The following MGAT4C variants were observed in gnomAD, a reference collection of about 807,000 sequenced individuals.
MGAT4C encodes the protein MGAT4 family member C.
Under a neutral mutation model 40.1 loss-of-function variants are expected in MGAT4C, and 19 were observed. That is an observed-to-expected ratio of 0.47 (90% CI 0.33 to 0.70). MGAT4C has a LOEUF of 0.70. MGAT4C is among the 30% of genes least tolerant of loss of function. MGAT4C has a pLI of 0.02. For synonymous variants in MGAT4C, 181 were observed against 187.1 expected, an observed-to-expected ratio of 0.97 and a Z score of 0.27; for missense variants, 491 against 563.2, an observed-to-expected ratio of 0.87 and a Z score of 1.30.
chr12:86,410,541 CT>C (rs1329460733), intron 3 of MGAT4C, among the ~76,000 whole-genome samples: 2 of 152,142 alleles, frequency 1.3e-5, no homozygotes, highest in Non-Finnish European at 2.9e-5. Flanking sequence ...CCTAAAATCG[CT>C]GTTATTCTGT....
rs187026495 is a variant in MGAT4C at position 86,508,164 on chromosome 12, C to T, written c.-228-72899G>A. On this transcript the variant is annotated intron_variant, in intron 2 of 7. Coordinates refer to the MGAT4C transcript ENST00000548651. ...TGCTGGTGCGCTGCACCCACTAACT[C>T]GTCATCTAGCATTAGGTATATCTCC... Among the ~76,000 whole-genome samples the T allele has an allele frequency of 5.8e-3, 886 of 152,184 alleles. 5 individuals are homozygous for T. The highest frequency in any genetic ancestry group is 0.01 in the Middle Eastern group (3 of 294).
At chr12:86,249,057 T>C (rs1952159485) in intron 1 of MGAT4C, among the ~76,000 whole-genome samples, 2 of 152,112 alleles carry the variant, frequency 1.3e-5, no homozygotes, top group Non-Finnish European at 2.9e-5. Context: ...ATAATGTTGT[T>C]CAGATAATTT....
At chr12:86,818,229 A>G (rs371222886) in intron 1 of MGAT4C, among the ~76,000 whole-genome samples, 8 of 151,328 alleles carry the variant, frequency 5.3e-5, no homozygotes, top group East Asian at 3.9e-4. Context: ...TCCAAGACCA[A>G]TAACAGAATA....
chr12:86,452,041 A>G (rs1231502613), intron 2 of MGAT4C, among the ~76,000 whole-genome samples: 2 of 151,990 alleles, frequency 1.3e-5, no homozygotes, highest in East Asian at 3.9e-4. Context: ...AGAATCAATT[A>G]TTTTTATTTA....
chr12:86,179,988 G>A (rs184744154), intron 1 of MGAT4C, among the ~76,000 whole-genome samples: 43 of 152,272 alleles, frequency 2.8e-4, no homozygotes, highest in African/African-American at 8.7e-4. Context: ...CATGGCAGCC[G>A]CTCCCATCAC....
At chr12:86,549,797 T>C (rs1959256366) in intron 2 of MGAT4C, among the ~76,000 whole-genome samples, 1 of 151,874 alleles carries the variant, frequency 6.6e-6, no homozygotes, top group African/African-American at 2.4e-5. Context: ...GCACCTATGG[T>C]GATTGGAAGC....
At chr12:86,567,531 T>C (rs1239804360) in intron 2 of MGAT4C, among the ~76,000 whole-genome samples, 1 of 152,128 alleles carries the variant, frequency 6.6e-6, no homozygotes, top group Non-Finnish European at 1.5e-5. Flanking sequence ...CCTTAGGGCA[T>C]CTCTTAGAAT....
intron 3 of MGAT4C, among the ~76,000 whole-genome samples, chr12:86,342,661 G>A (rs544542732): frequency 2.9e-4 from 44 of 152,116 alleles, no homozygotes; most frequent in African/African-American, 1.0e-3. Flanking sequence ...GGATGATCTC[G>A]ATCTCCTGAT....
Position 86,711,090 on chromosome 12 carries a change from A to G in MGAT4C, c.-229+16119T>C, listed in dbSNP as rs561924907. 4.1e-4 allele frequency among the ~76,000 whole-genome samples: 63 copies of G among 152,290 alleles called. 2 individuals carry two copies. In the South Asian group the frequency reaches 0.013, roughly 31 times the overall value. ...AGACTACATATAGAGTACAGTGTAC[A>G]CTGGTCGGGTGACAGGTACACCAAA... On this transcript the variant is annotated intron_variant, in intron 2 of 7. Coordinates refer to the MGAT4C transcript ENST00000548651.
intron 1 of MGAT4C, among the ~76,000 whole-genome samples, chr12:86,155,450 G>A (rs1328759461): frequency 5.3e-5 from 8 of 152,224 alleles, no homozygotes; most frequent in Non-Finnish European, 7.4e-5. Context: ...AGATACATTC[G>A]TAATGTGGTT....
chr12:86,412,500 A>G (rs61949517), intron 3 of MGAT4C, among the ~76,000 whole-genome samples: 15,916 of 152,274 alleles, frequency 0.1, 1,035 homozygotes, highest in Middle Eastern at 0.25. Flanking sequence ...TTGGATTTGC[A>G]CAGGGCCTGT....
intron 1 of MGAT4C, among the ~76,000 whole-genome samples, chr12:86,214,473 C>T (rs1378230169): frequency 2.0e-5 from 3 of 152,144 alleles, no homozygotes; most frequent in Non-Finnish European, 4.4e-5. Context: ...GCTACTATAA[C>T]AAAATGCCAT....
In MGAT4C at chr12:86,772,431, T is replaced by C. The variant is rs183168012; in HGVS notation, c.-261-45190A>G. The stretch of plus-strand genomic sequence containing the variant: ...GCTGTGAATGTGCATTATCCCTTAA[T>C]AAAAAGATTGAATGACCTTGCAGGC... On this transcript the variant is annotated intron_variant, in intron 1 of 7. Coordinates refer to the MGAT4C transcript ENST00000548651. 6.6e-4 allele frequency among the ~76,000 whole-genome samples: 101 copies of C among 152,310 alleles called. 1 individual carries two copies. The highest frequency in any genetic ancestry group is 7.8e-4 in the Admixed American group (12 of 15,296).
chr12:86,222,571 A>G (rs1268401180), intron 1 of MGAT4C, among the ~76,000 whole-genome samples: 4 of 152,214 alleles, frequency 2.6e-5, no homozygotes, highest in African/African-American at 9.6e-5. Flanking sequence ...TTAATTATGG[A>G]ACACCATAAA....
intron 1 of MGAT4C, among the ~76,000 whole-genome samples, chr12:86,179,171 G>A (rs1566098202): frequency 6.6e-6 from 1 of 152,120 alleles, no homozygotes; most frequent in Non-Finnish European, 1.5e-5. Flanking sequence ...CATGAGATCT[G>A]ATGGGTTTAT....
chr12:86,642,744 C>A (rs1269717486), intron 2 of MGAT4C, among the ~76,000 whole-genome samples: 2 of 151,384 alleles, frequency 1.3e-5, no homozygotes, highest in Non-Finnish European at 3.0e-5. Flanking sequence ...ATTATATTAA[C>A]ATGTTTTGAG....
chr12:86,838,544 C>T (rs929830971), intron 1 of MGAT4C: 1 of 152,128 alleles, frequency 6.6e-6, no homozygotes, highest in African/African-American at 2.4e-5. Flanking sequence ...AATAAAGTGT[C>T]ATTCTTCAGT....
chr12:86,728,238 G>T (rs1004114089), intron 1 of MGAT4C, among the ~76,000 whole-genome samples: 8 of 152,152 alleles, frequency 5.3e-5, no homozygotes, highest in African/African-American at 1.4e-4. Context: ...TTAAAATGTA[G>T]TCAAGAAGTA....
chr12:86,515,556 C>T (rs1376464199), intron 2 of MGAT4C, among the ~76,000 whole-genome samples: 1 of 151,886 alleles, frequency 6.6e-6, no homozygotes, highest in African/African-American at 2.4e-5. Flanking sequence ...AGAAAACAAT[C>T]AATGTAAATA....
Sources: gnomAD v4.1 joint callset for allele counts (sites outside exome capture counted in the v4.1 genomes callset) on GRCh38, gnomAD v4.1.1 for gene constraint, MANE v1.5 for transcripts, NCBI Gene and HGNC (gene_info 2026-07-23, HGNC 2026-07-21) for gene names.